COPS3: variants seen among roughly 807,000 people sequenced by gnomAD.
COPS3 encodes the protein COP9 signalosome subunit 3.
COPS3 carries 10 observed loss-of-function variants against 58.2 expected under a neutral mutation model. That is an observed-to-expected ratio of 0.17 (90% CI 0.11 to 0.29). The LOEUF (loss-of-function observed/expected upper bound fraction) is 0.29. COPS3 is among the 10% of genes least tolerant of loss of function. The probability of loss-of-function intolerance (pLI) is 1.00; values close to 1 mark genes in which losing one functional copy is unlikely to be tolerated. For missense variants in COPS3, 333 were observed against 510.1 expected, an observed-to-expected ratio of 0.65 and a Z score of 3.34; for synonymous variants, 187 against 181.7, an observed-to-expected ratio of 1.03 and a Z score of -0.24.
chr17:17,258,373 A>G (rs2048024469), intron 8 of COPS3, among the ~76,000 whole-genome samples: 1 of 152,184 alleles, frequency 6.6e-6, no homozygotes, highest in African/African-American at 2.4e-5. Context: ...ATCTCGGCTC[A>G]CTGCAACCTC....
chr17:17,264,784 A>C lies in COPS3; in HGVS notation c.621+18T>G, dbSNP rs887671175. 3.8e-6 allele frequency: 6 copies of C among 1,590,954 alleles called. No homozygotes were observed. The highest frequency in any genetic ancestry group is 4.5e-5 in the East Asian group (2 of 44,668). On this transcript the variant is annotated intron_variant, in intron 6 of 11. Coordinates refer to ENST00000268717, the MANE Select transcript of COPS3 (RefSeq NM_003653.4). ...ACACAAGTTCAGAACAACCTCAGCT[A>C]ATTTTTAGAGAGATTACCTGTTCAT...
chr17:17,247,638 A>G (rs2294155), intron 10 of COPS3, 78 bp from the exon 11 acceptor site: 206,777 of 1,410,610 alleles, frequency 0.15, 16,069 homozygotes, highest in South Asian at 0.23. Context: ...CACTGTTCAC[A>G]AGGGTGCTAT....
Position 17,260,305 on chromosome 17 carries a change from G to A in COPS3, c.932C>T (p.Thr311Ile). ...TGAAGGTGGCACTTTCCTCACCTTT[G>A]TTAGCCTCTGAATATTCTTCTTATA... Reference protein sequence around the residue: ...SLYKKNIQRLTKTFLTLSLQD... With the variant: ...SLYKKNIQRLIKTFLTLSLQD... The change falls in exon 8 of 12, where the codon ACA becomes ATA. Residue 311 changes from threonine to isoleucine, a missense_variant. By Grantham distance (89) the Thr-to-Ile change is moderately conservative. Coordinates refer to ENST00000268717, the MANE Select transcript of COPS3 (RefSeq NM_003653.4). 3.7e-6 allele frequency: 6 copies of A among 1,613,718 alleles called. No individual in the cohort carries two copies. Among genetic ancestry groups the A allele is most frequent in the Non-Finnish European group, 4.2e-6 (5 of 1,179,740 alleles).
At position 17,254,389 on chromosome 17, in the gene COPS3, G is replaced by A. The variant is rs191664013; in HGVS notation, c.1023+470C>T. Among the ~76,000 whole-genome samples the A allele has an allele frequency of 1.1e-4, 16 of 151,948 alleles. No individual in the cohort carries two copies. In the East Asian group the frequency reaches 1.5e-3, roughly 15 times the overall value. On this transcript the variant is annotated intron_variant, in intron 9 of 11. Transcript: ENST00000268717. ...GCACACTAAAACTAGAAACTATAAG[G>A]AAACAGACCAAATTGTCAATAGTGG...
intron 9 of COPS3, 53 bp from the exon 10 acceptor site, chr17:17,249,092 T>C (rs2047784907): frequency 6.5e-6 from 6 of 918,392 alleles, no homozygotes; most frequent in Non-Finnish European, 1.0e-5. Context: ...CTGAATGCTA[T>C]ATGAATAGTC....
At chr17:17,276,322 A>C in intron 1 of COPS3, 158 bp from the exon 2 acceptor site, 1 of 859,914 alleles carries the variant, frequency 1.2e-6, no homozygotes, top group Non-Finnish European at 1.8e-6. Flanking sequence ...AGAGGAGTGA[A>C]ACAACCTGTC....
At chr17:17,271,894 T>TAAATAATATATATG (rs1250560023) in intron 2 of COPS3, among the ~76,000 whole-genome samples, 1 of 101,954 alleles carries the variant, frequency 9.8e-6, no homozygotes. Context: ...TAATATATAT[T>TAAATAATATATATG]AAATAATAAA....
chr17:17,260,493 G>A lies in COPS3; in HGVS notation c.763-19C>T, dbSNP rs771124317. ...TAAGAGGCTAAAGATGCAAAGGAGGGAAAAAATTCAGATTAAAACTTCAGA... is the reference window on the plus strand; with the variant it reads ...TAAGAGGCTAAAGATGCAAAGGAGGAAAAAAATTCAGATTAAAACTTCAGA... On this transcript the variant is annotated intron_variant, in intron 7 of 11. Transcript: ENST00000268717. 16 of 1,611,856 alleles carry A rather than the reference G, an allele frequency of 9.9e-6. No individual in the cohort carries two copies. The African/African-American group carries it at 1.6e-4, about 16-fold the overall frequency.
At chr17:17,267,823 A>G (rs2145233806) in intron 5 of COPS3, 62 bp downstream of exon 5, 1 of 1,545,238 alleles carries the variant, frequency 6.5e-7, no homozygotes. Flanking sequence ...CCCAATGTTG[A>G]GCAAGCCCAT....
At chr17:17,270,299 C>T (rs1362598258) in intron 4 of COPS3, among the ~76,000 whole-genome samples, 1 of 151,252 alleles carries the variant, frequency 6.6e-6, no homozygotes, top group Non-Finnish European at 1.5e-5. Flanking sequence ...ACTTACTCTA[C>T]AATGGCTCAG....
At chr17:17,260,230 A>C in intron 8 of COPS3, 71 bp downstream of exon 8, 1 of 1,461,878 alleles carries the variant, frequency 6.8e-7, no homozygotes, top group Non-Finnish European at 9.5e-7. Context: ...TCAGCTCTGA[A>C]AAGGGAGAGA....
At chr17:17,255,303 A>T (rs2047943123) in intron 8 of COPS3, among the ~76,000 whole-genome samples, 1 of 119,666 alleles carries the variant, frequency 8.4e-6, no homozygotes, top group Admixed American at 8.7e-5. Context: ...CTGTCTCAAA[A>T]CAAAAAACAA....
At chr17:17,263,512 T>A (rs1182414840) in intron 6 of COPS3, among the ~76,000 whole-genome samples, 2 of 29,418 alleles carry the variant, frequency 6.8e-5, no homozygotes, top group Admixed American at 3.6e-4. Flanking sequence ...TGCCTTTTCT[T>A]TTTTTTTTTT....
In COPS3 at chr17:17,270,819, A is replaced by G. The variant is rs371616617; in HGVS notation, c.299-12T>C. 8.1e-6 allele frequency: 13 copies of G among 1,600,976 alleles called. No individual in the cohort carries two copies. In the Admixed American group the frequency reaches 1.9e-4, roughly 23 times the overall value. On this transcript the variant is annotated splice_polypyrimidine_tract_variant and intron_variant, in intron 3 of 11. Coordinates refer to ENST00000268717, the MANE Select transcript of COPS3 (RefSeq NM_003653.4). The stretch of plus-strand genomic sequence containing the variant: ...GCAAAGCCCAGCAACTAGATACAAT[A>G]ACAAAATATTCAAAATATAAATATA...
chr17:17,264,245 GTA>G (rs2048173753), intron 6 of COPS3, among the ~76,000 whole-genome samples: 1 of 152,168 alleles, frequency 6.6e-6, no homozygotes, highest in Non-Finnish European at 1.5e-5. Flanking sequence ...TTTACCTTAA[GTA>G]AAGTGGTTTA....
chr17:17,265,401 CTTT>C (rs34164209), intron 5 of COPS3, among the ~76,000 whole-genome samples: 2 of 142,032 alleles, frequency 1.4e-5, no homozygotes, highest in Admixed American at 7.1e-5. Flanking sequence ...ACAGCATTAC[CTTT>C]TTTTTTTTTT....
intron 8 of COPS3, among the ~76,000 whole-genome samples, chr17:17,259,512 A>C (rs2145210170): frequency 6.6e-6 from 1 of 152,316 alleles, no homozygotes; most frequent in South Asian, 2.1e-4. Flanking sequence ...AAAATTATAT[A>C]ATTGGCTTAC....
intron 6 of COPS3, among the ~76,000 whole-genome samples, chr17:17,263,715 C>T (rs1265254571): frequency 1.3e-5 from 2 of 148,506 alleles, no homozygotes; most frequent in African/African-American, 2.5e-5. Flanking sequence ...GGTTTCTCCA[C>T]GTTGGTCAGG....
intron 1 of COPS3, chr17:17,280,793 AGAAG>A: frequency 7.9e-7 from 1 of 1,262,134 alleles, no homozygotes; most frequent in Non-Finnish European, 1.0e-6. Flanking sequence ...CAAGAGAGAC[AGAAG>A]GAACCAATAG....
Sources: allele counts gnomAD v4.1 joint callset (sites outside exome capture counted in the v4.1 genomes callset), GRCh38; gene constraint gnomAD v4.1.1; transcripts MANE v1.5; gene names NCBI Gene and HGNC (gene_info 2026-07-23, HGNC 2026-07-21).